The following TOPBP1 variants were observed in gnomAD, a reference collection of about 807,000 sequenced individuals.
TOPBP1 encodes DNA topoisomerase 2-binding protein 1.
In TOPBP1, 28 loss-of-function variants were observed where a neutral mutation model predicts 167.7. The observed-to-expected ratio is 0.17, with a 90% CI of 0.12 to 0.23. The LOEUF is 0.23. TOPBP1 is among the 10% of genes least tolerant of loss of function. TOPBP1 has a pLI of 1.00. For missense variants in TOPBP1, 1,554 were observed against 1,809.6 expected (o/e 0.86, Z 2.56); for synonymous variants, 598 against 611.4 (o/e 0.98, Z 0.32).
In TOPBP1 at chr3:133,600,506, T is replaced by C. The variant is rs1934253846; in HGVS notation, c.*744A>G. ...CGCCTGCCTCAGCCTCCCAAAGTGCTGGGATTACAGGCACGAGCCACCGCA... is the reference window on the plus strand; with the variant it reads ...CGCCTGCCTCAGCCTCCCAAAGTGCCGGGATTACAGGCACGAGCCACCGCA... On this transcript the variant is annotated 3_prime_UTR_variant, in exon 28 of 28. Coordinates refer to ENST00000260810, the MANE Select transcript of TOPBP1 (RefSeq NM_007027.4). The C allele has an allele frequency of 6.6e-6, 1 of 152,382 alleles. No individual in the cohort carries two copies. Among genetic ancestry groups the C allele is most frequent in the Admixed American group, 6.5e-5 (1 of 15,284 alleles). 9.4% of individuals were successfully genotyped at this position (152,382 alleles called of 1,614,324 possible).
chr3:133,655,429 A>G lies in TOPBP1; in HGVS notation c.603T>C (p.Leu201=). 6.2e-7 allele frequency: 1 copy of G among 1,600,266 alleles called. No homozygotes were observed. Among genetic ancestry groups the G allele is most frequent in the Non-Finnish European group, 8.5e-7 (1 of 1,173,940 alleles). ...AGCCAGTCACACAGATTATGCAACC[A>G]AGAAAAATAGGACACTTGAAATCTT... ...NMEDFKCPIF[L]GCIICVTGLC... The change falls in exon 6 of 28, where the codon CTT becomes CTC. Residue 201 remains leucine, a synonymous_variant. Transcript: ENST00000260810.
chr3:133,649,940 A>T lies in TOPBP1; in HGVS notation c.1093T>A (p.Tyr365Asn). The T allele has an allele frequency of 6.3e-7, 1 of 1,577,706 alleles. No homozygotes were observed. Among genetic ancestry groups the T allele is most frequent in the Non-Finnish European group, 8.6e-7 (1 of 1,167,370 alleles). Residue 365 changes from tyrosine to asparagine, a missense_variant, in exon 9 of 28, where the codon TAT becomes AAT. Tyr to Asn is a moderately radical substitution (Grantham distance 143). This residue lies in a region of TOPBP1 where 1,197 missense variants were observed against 1,351.5 expected (regional missense o/e 0.89). Transcript: ENST00000260810. ...PEDLLDGCRI[Y>N]LCGFSGRKLD... ...TTTCTGCCACTAAAACCGCAAAGAT[A>T]TATCTGCAAGAAAGAAAATATTTAA...
chr3:133,612,781 A>AC (rs1934724270), intron 23 of TOPBP1, among the ~76,000 whole-genome samples: 2 of 152,096 alleles, frequency 1.3e-5, no homozygotes, highest in African/African-American at 4.8e-5. Flanking sequence ...AGTAAAATGA[A>AC]CCCCCACACA....
At chr3:133,623,553 A>T (rs1332107834) in intron 17 of TOPBP1, 96 bp from the exon 18 acceptor site, 31 of 1,323,896 alleles carry the variant, frequency 2.3e-5, no homozygotes, top group Middle Eastern at 2.4e-4. Context: ...ATTATACTGT[A>T]ATATGGCAAA....
At chr3:133,647,122 C>G (rs1373551) in intron 10 of TOPBP1, among the ~76,000 whole-genome samples, 2 of 152,086 alleles carry the variant, frequency 1.3e-5, no homozygotes, top group Non-Finnish European at 2.9e-5. Context: ...CTTTAGTAAA[C>G]AGACCAAAAC....
chr3:133,629,636 T>C (rs912063360), intron 14 of TOPBP1, among the ~76,000 whole-genome samples: 5 of 152,198 alleles, frequency 3.3e-5, no homozygotes, highest in Admixed American at 3.3e-4. Context: ...AGTATGAGTG[T>C]GTGTGTTTTC....
rs1234016834 is a variant in TOPBP1, at chr3:133,609,823, T to C, written c.4174-861A>G. On this transcript the variant is annotated intron_variant, in intron 25 of 27. Coordinates refer to ENST00000260810, the MANE Select transcript of TOPBP1 (RefSeq NM_007027.4). ...TGACCCAGTCTCAGGTGTTGCTTCATAGCAGCGTGAGAACGAACTAATACA... is the reference window on the plus strand; with the variant it reads ...TGACCCAGTCTCAGGTGTTGCTTCACAGCAGCGTGAGAACGAACTAATACA... 2.0e-5 allele frequency among the ~76,000 whole-genome samples: 3 copies of C among 152,216 alleles called. No homozygotes were observed. The East Asian group carries it at 5.8e-4, about 29-fold the overall frequency.
chr3:133,617,400 T>A, intron 21 of TOPBP1, 74 bp from the exon 22 acceptor site: 4 of 1,404,532 alleles, frequency 2.8e-6, no homozygotes, highest in Non-Finnish European at 2.8e-6. Context: ...AATATTCTCA[T>A]CTGTCTTAGT....
intron 12 of TOPBP1, among the ~76,000 whole-genome samples, chr3:133,642,010 G>T (rs2107812334): frequency 1.3e-5 from 2 of 152,028 alleles, no homozygotes; most frequent in African/African-American, 2.4e-5. Context: ...TTTTTTTGGA[G>T]ACAGGATCTC....
rs1334064179 is a variant in TOPBP1, at chr3:133,643,260, C to T, written c.1961G>A (p.Ser654Asn). Reference sequence around the variant, plus strand: ...CTCTTTTTCTGCTCCAGCACACTGGCTAAATGAAATAACACAATCCTCTAA... The same window carrying T: ...CTCTTTTTCTGCTCCAGCACACTGGTTAAATGAAATAACACAATCCTCTAA... ...TPLEDCVISF[S>N]QCAGAEKESL... Residue 654 changes from serine to asparagine, a missense_variant, in exon 12 of 28, where the codon AGC becomes AAC. This residue lies in a region of TOPBP1 where 1,197 missense variants were observed against 1,351.5 expected (regional missense o/e 0.89). Coordinates refer to ENST00000260810, the MANE Select transcript of TOPBP1 (RefSeq NM_007027.4). 1 of 1,611,992 alleles carries T rather than the reference C, an allele frequency of 6.2e-7. No individual in the cohort carries two copies. The highest frequency in any genetic ancestry group is 8.5e-7 in the Non-Finnish European group (1 of 1,179,174).
chr3:133,659,656 A>G (rs891618686), intron 2 of TOPBP1, among the ~76,000 whole-genome samples: 3 of 152,010 alleles, frequency 2.0e-5, no homozygotes, highest in Non-Finnish European at 2.9e-5. Flanking sequence ...CCCCACTTCA[A>G]TCAGGTCTGC....
At chr3:133,618,479 C>A in intron 20 of TOPBP1, 46 bp from the exon 21 acceptor site, 1 of 1,573,282 alleles carries the variant, frequency 6.4e-7, no homozygotes, top group South Asian at 1.1e-5. Flanking sequence ...ATAACAAATC[C>A]AAACTCATTA....
intron 14 of TOPBP1, among the ~76,000 whole-genome samples, chr3:133,637,432 C>T (rs1935714775): frequency 6.6e-6 from 1 of 152,128 alleles, no homozygotes; most frequent in South Asian, 2.1e-4. Context: ...AGGTGATATA[C>T]ACACATTTTC....
At chr3:133,645,188 A>T (rs34736000) in intron 10 of TOPBP1, among the ~76,000 whole-genome samples, 3,153 of 152,286 alleles carry the variant, frequency 0.021, 57 homozygotes, top group African/African-American at 0.044. Flanking sequence ...TGTAATATAC[A>T]TTAGGAACTT....
At chr3:133,606,009 CTA>C in intron 27 of TOPBP1, among the ~76,000 whole-genome samples, 1 of 151,866 alleles carries the variant, frequency 6.6e-6, no homozygotes, top group Admixed American at 6.6e-5. Flanking sequence ...TGGTGAAACC[CTA>C]TCTCTACCCC....
chr3:133,623,517 T>C, intron 17 of TOPBP1, 60 bp from the exon 18 acceptor site: 1 of 1,519,738 alleles, frequency 6.6e-7, no homozygotes, highest in Non-Finnish European at 8.9e-7. Flanking sequence ...ATAGATGATG[T>C]TAAGTAGGAT....
intron 16 of TOPBP1, chr3:133,628,081 C>T: frequency 2.8e-6 from 1 of 361,836 alleles, no homozygotes. Context: ...ACTGATCCTT[C>T]ATGGATCCCA....
intron 6 of TOPBP1, among the ~76,000 whole-genome samples, chr3:133,654,952 G>A (rs1936426743): frequency 6.6e-6 from 1 of 152,192 alleles, no homozygotes. Context: ...GCTCATGCCT[G>A]TAATCCCAGG....
intron 14 of TOPBP1, among the ~76,000 whole-genome samples, chr3:133,629,833 C>A (rs113969369): frequency 0.033 from 4,994 of 152,174 alleles, 98 homozygotes; most frequent in Middle Eastern, 0.051. Flanking sequence ...GTCACCCAGG[C>A]TGGAGTACAA....
Sources: allele counts gnomAD v4.1 joint callset (sites outside exome capture counted in the v4.1 genomes callset), GRCh38; gene constraint gnomAD v4.1.1; regional missense constraint gnomAD v4.1.1; transcripts MANE v1.5; gene names NCBI Gene and HGNC (gene_info 2026-07-23, HGNC 2026-07-21).